XXYLT1: variants seen among roughly 807,000 people sequenced by gnomAD.
XXYLT1 encodes the protein UDP-xylose:alpha-xyloside alpha-1,3-xylosyltransferase.
XXYLT1 carries 20 observed loss-of-function variants against 28.9 expected under a neutral mutation model. That is an observed-to-expected ratio of 0.69 (90% CI 0.49 to 1.00). The LOEUF (loss-of-function observed/expected upper bound fraction) is 1.00. Ranked by LOEUF, XXYLT1 falls within the 50% of genes least tolerant of loss-of-function variation. XXYLT1 has a pLI of 0.00. For synonymous variants in XXYLT1, 257 were observed against 253.8 expected, an observed-to-expected ratio of 1.01 and a Z score of -0.12; for missense variants, 542 against 560.1, an observed-to-expected ratio of 0.97 and a Z score of 0.33.
chr3:195,260,553 A>G (rs1046856279), intron 1 of XXYLT1, among the ~76,000 whole-genome samples: 1 of 152,226 alleles, frequency 6.6e-6, no homozygotes, highest in African/African-American at 2.4e-5. Context: ...GGCGAGGCAC[A>G]TCCAGGAGGA....
At chr3:195,214,909 G>C (rs902550421) in intron 2 of XXYLT1, 1 of 152,084 alleles carries the variant, frequency 6.6e-6, no homozygotes, top group Admixed American at 6.6e-5. Flanking sequence ...AAATGTTAAG[G>C]GCAGCCAGAG....
rs114209006 is a variant in XXYLT1 at position 195,256,230 on chromosome 3, G to A, written c.504+14325C>T. On this transcript the variant is annotated intron_variant, in intron 1 of 3. Transcript: ENST00000310380. This position sits in a 1 kb window ranked among gnomAD's most constrained non-coding sequence, Gnocchi z 4.2. The stretch of plus-strand genomic sequence containing the variant: ...TCATCTGTGCAGCCTCTTCCTAGGG[G>A]AGACTAGCTACCCCTCACAGGCCTG... Among the ~76,000 whole-genome samples, 235 of 152,340 alleles carry A rather than the reference G, an allele frequency of 1.5e-3. No homozygotes were observed. The highest frequency in any genetic ancestry group is 5.1e-3 in the African/African-American group (210 of 41,566).
intron 3 of XXYLT1, among the ~76,000 whole-genome samples, chr3:195,082,079 G>A (rs971157604): frequency 3.9e-5 from 6 of 152,092 alleles, no homozygotes; most frequent in Non-Finnish European, 8.8e-5. Flanking sequence ...TGCTGTTGTT[G>A]TTACTTGCTT....
intron 1 of XXYLT1, among the ~76,000 whole-genome samples, chr3:195,252,316 T>A (rs1252224278): frequency 2.0e-5 from 3 of 152,228 alleles, no homozygotes; most frequent in Non-Finnish European, 4.4e-5. Flanking sequence ...ACGTCTATAA[T>A]ATTTTATTTC....
At chr3:195,085,634 G>A (rs575568436) in intron 3 of XXYLT1, among the ~76,000 whole-genome samples, 66 of 152,262 alleles carry the variant, frequency 4.3e-4, no homozygotes, top group Admixed American at 1.1e-3. Context: ...GTGGGCAGCC[G>A]CGAGCCACAA....
At chr3:195,192,435 A>G (rs2108753529) in intron 2 of XXYLT1, among the ~76,000 whole-genome samples, 1 of 152,276 alleles carries the variant, frequency 6.6e-6, no homozygotes, top group Admixed American at 6.5e-5. Context: ...AAGAAAAAAA[A>G]AAAAATTAAA....
intron 3 of XXYLT1, among the ~76,000 whole-genome samples, chr3:195,093,423 C>T (rs1193256697): frequency 2.4e-5 from 3 of 123,682 alleles, no homozygotes; most frequent in African/African-American, 1.1e-4. Flanking sequence ...AGTAAACTAT[C>T]GCAAGTACAA....
chr3:195,251,530 G>C (rs2108840431), intron 1 of XXYLT1, among the ~76,000 whole-genome samples: 1 of 152,282 alleles, frequency 6.6e-6, no homozygotes, highest in African/African-American at 2.4e-5. Context: ...CTTCAGTGAG[G>C]GGCTGCTCCG....
chr3:195,220,439 C>G (rs1006816602), intron 2 of XXYLT1, among the ~76,000 whole-genome samples: 9 of 152,174 alleles, frequency 5.9e-5, no homozygotes, highest in Non-Finnish European at 1.3e-4. Flanking sequence ...CCACCTCGCC[C>G]GGCCGGGCCC....
At chr3:195,267,798 G>C (rs114098105) in intron 1 of XXYLT1, among the ~76,000 whole-genome samples, 1,566 of 152,306 alleles carry the variant, frequency 0.01, 36 homozygotes, top group African/African-American at 0.036. Flanking sequence ...TGAAAGCTGA[G>C]TACCAAGGAT....
At position 195,201,015 on chromosome 3, in the gene XXYLT1, C is replaced by A. The variant is rs76653555; in HGVS notation, c.652+25694G>T. 5.6e-3 allele frequency among the ~76,000 whole-genome samples: 853 copies of A among 152,216 alleles called. 16 individuals are homozygous for A. Among genetic ancestry groups the A allele is most frequent in the African/African-American group, 0.02 (822 of 41,540 alleles). On this transcript the variant is annotated intron_variant, in intron 2 of 3. Coordinates refer to ENST00000310380, the MANE Select transcript of XXYLT1 (RefSeq NM_152531.5). ...CAGCCCAACCCCAGACCTACGGAGT[C>A]AAAAATCTCTATTTTTACTGTATAT...
intron 3 of XXYLT1, among the ~76,000 whole-genome samples, chr3:195,156,146 G>A (rs947311517): frequency 6.6e-6 from 1 of 152,222 alleles, no homozygotes; most frequent in Non-Finnish European, 1.5e-5. Context: ...ATCTTCCTCC[G>A]TAAGGCAAAG....
chr3:195,204,141 G>A (rs752316036), intron 2 of XXYLT1, among the ~76,000 whole-genome samples: 11 of 151,790 alleles, frequency 7.2e-5, no homozygotes, highest in Non-Finnish European at 1.0e-4. Flanking sequence ...TCAGGAGTGC[G>A]AGACCAGCCT....
intron 3 of XXYLT1, among the ~76,000 whole-genome samples, chr3:195,145,271 C>T (rs564018762): frequency 1.1e-4 from 16 of 148,680 alleles, no homozygotes; most frequent in Non-Finnish European, 1.6e-4. Flanking sequence ...AAGTGGAAGC[C>T]ACGTGAATGG....
At chr3:195,208,554 C>T (rs1018293057) in intron 2 of XXYLT1, among the ~76,000 whole-genome samples, 13 of 152,024 alleles carry the variant, frequency 8.6e-5, no homozygotes, top group Admixed American at 4.6e-4. Flanking sequence ...ACGCTCGTGA[C>T]GGGAAAGTCA....
intron 3 of XXYLT1, among the ~76,000 whole-genome samples, chr3:195,148,719 GT>G (rs1177175363): frequency 6.6e-6 from 1 of 152,180 alleles, no homozygotes; most frequent in East Asian, 1.9e-4. Flanking sequence ...TTGGCTAGAG[GT>G]TAGTGCTGCC....
At position 195,134,885 on chromosome 3, in the gene XXYLT1, G is replaced by A. The variant is rs559263495; in HGVS notation, c.785+21564C>T. ...TGTGTGTGTGCGTGTGCGCGCGTGC[G>A]CGCACGTGCAAAGAGCTATCAGCTA... On this transcript the variant is annotated intron_variant, in intron 3 of 3. Coordinates refer to ENST00000310380, the MANE Select transcript of XXYLT1 (RefSeq NM_152531.5). Among the ~76,000 whole-genome samples, 183 of 85,976 alleles carry A rather than the reference G, an allele frequency of 2.1e-3. 2 individuals are homozygous for A. The highest frequency in any genetic ancestry group is 8.5e-3 in the African/African-American group (154 of 18,218). 56.4% of individuals were successfully genotyped at this position (85,976 alleles called of 152,430 possible). A position where few individuals can be genotyped will look rare whatever the true frequency, so the allele number is the denominator to read the frequency against.
chr3:195,126,891 G>A (rs76726227), intron 3 of XXYLT1, among the ~76,000 whole-genome samples: 1,727 of 152,304 alleles, frequency 0.011, 21 homozygotes, highest in African/African-American at 0.04. Context: ...GCCTGGTTGC[G>A]ATGCAGTTAT....
At chr3:195,103,113 T>C (rs1167063502) in intron 3 of XXYLT1, among the ~76,000 whole-genome samples, 1 of 152,218 alleles carries the variant, frequency 6.6e-6, no homozygotes, top group East Asian at 1.9e-4. Context: ...CGGGGAGAAG[T>C]GGCGGCTCAC....
Sources: gnomAD v4.1 joint callset for allele counts (sites outside exome capture counted in the v4.1 genomes callset) on GRCh38, gnomAD v4.1.1 for gene constraint, Gnocchi (gnomAD v3.1) non-coding constraint, MANE v1.5 for transcripts, NCBI Gene and HGNC (gene_info 2026-07-23, HGNC 2026-07-21) for gene names.